The following HOXD1 variants were observed in gnomAD, a reference collection of about 807,000 sequenced individuals.
HOXD1 encodes homeobox D1, also known as homeobox protein Hox-D1.
HOXD1 carries 17 observed loss-of-function variants against 19.9 expected under a neutral mutation model. The ratio of observed to expected loss-of-function variants is 0.85; its 90% CI spans 0.58 to 1.28. The LOEUF is 1.28. Among genes scored for constraint, HOXD1 ranks in the 50% most tolerant of loss-of-function variants. HOXD1 has a pLI of 0.00. For missense variants in HOXD1, 500 were observed against 460.1 expected, an observed-to-expected ratio of 1.09 and a Z score of -0.79; for synonymous variants, 239 against 216.0, an observed-to-expected ratio of 1.11 and a Z score of -0.93.
Position 176,189,383 on chromosome 2 carries a change from CGCCTCCG to C in HOXD1, c.589_595del (p.Gly197LeufsTer10). On this transcript the variant is annotated frameshift_variant, in exon 1 of 2. Transcript: ENST00000331462. LOFTEE classifies it high-confidence loss of function. ...GCACCTACCCCAAGTCCGTCTCTCC[CGCCTCCG>C]GCCTCCCTGCCGCCTTCAGCACGTT... is the stretch of plus-strand genomic sequence containing the variant. 2 of 1,613,210 alleles carry C rather than the reference CGCCTCCG, an allele frequency of 1.2e-6. No individual in the cohort carries two copies. The highest frequency in any genetic ancestry group is 1.7e-6 in the Non-Finnish European group (2 of 1,179,988).
intron 1 of HOXD1, 152 bp downstream of exon 1, chr2:176,189,605 G>C: frequency 6.4e-7 from 1 of 1,565,008 alleles, no homozygotes; most frequent in South Asian, 1.2e-5. Flanking sequence ...CATGGAGTCT[G>C]CCTCGAGTAC....
chr2:176,188,775 C>A lies in HOXD1; in HGVS notation c.-27C>A, dbSNP rs771395034. The A allele has an allele frequency of 6.2e-7, 1 of 1,601,412 alleles. No homozygotes were observed. On this transcript the variant is annotated 5_prime_UTR_variant, in exon 1 of 2. Coordinates refer to ENST00000331462, the MANE Select transcript of HOXD1 (RefSeq NM_024501.3). The stretch of plus-strand genomic sequence containing the variant: ...GGCTCCGTACTCCGGCCCCGGCCTG[C>A]GCCCTCAGAAAGGTGGGGCCCGAAC...
chr2:176,189,517 G>T, intron 1 of HOXD1, 64 bp downstream of exon 1: 1 of 1,611,706 alleles, frequency 6.2e-7, no homozygotes, highest in African/African-American at 1.3e-5. Flanking sequence ...CCGCGGAAAT[G>T]CGCTGGGAGC....
At position 176,190,333 on chromosome 2, in the gene HOXD1, C is replaced by G. The variant is rs1229992534; in HGVS notation, c.*191C>G. On this transcript the variant is annotated 3_prime_UTR_variant, in exon 2 of 2. Coordinates refer to ENST00000331462, the MANE Select transcript of HOXD1 (RefSeq NM_024501.3). ...ATATGTCCAGATATTAATTGACTGT[C>G]TTGTAAGCCACTTGTTTGGTTATGA... is the stretch of plus-strand genomic sequence containing the variant. 1.8e-6 allele frequency: 1 copy of G among 557,556 alleles called. No individual in the cohort carries two copies. Among genetic ancestry groups the G allele is most frequent in the Non-Finnish European group, 3.2e-6 (1 of 316,458 alleles). 34.5% of individuals were successfully genotyped at this position (557,556 alleles called of 1,614,324 possible). A position where few individuals can be genotyped will look rare whatever the true frequency, so the allele number is the denominator to read the frequency against.
At position 176,189,971 on chromosome 2, in the gene HOXD1, A is replaced by C. The variant is rs780602979; in HGVS notation, c.816A>C (p.Gln272His). 1 of 1,614,138 alleles carries C rather than the reference A, an allele frequency of 6.2e-7. No homozygotes were observed. Among genetic ancestry groups the C allele is most frequent in the East Asian group, 2.2e-5 (1 of 44,864 alleles). ...IANCLHLNDT[Q>H]VKIWFQNRRM... ...ACTGCTTGCACCTGAATGACACGCA[A>C]GTCAAAATCTGGTTCCAGAACCGCA... The change falls in exon 2 of 2, where the codon CAA becomes CAC. Residue 272 changes from glutamine (Q) to histidine (H), a missense_variant. Transcript: ENST00000331462.
At position 176,188,852 on chromosome 2, in the gene HOXD1, C is replaced by A. The variant is rs1456371869; in HGVS notation, c.51C>A (p.Gly17=). 8 of 1,604,198 alleles carry A rather than the reference C, an allele frequency of 5.0e-6. No individual in the cohort carries two copies. The highest frequency in any genetic ancestry group is 1.7e-5 in the Admixed American group (1 of 59,500). The change falls in exon 1 of 2, where the codon GGC becomes GGA. Residue 17 remains glycine (G), a synonymous_variant. Coordinates refer to ENST00000331462, the MANE Select transcript of HOXD1 (RefSeq NM_024501.3). ...YVSCSSSGGV[G]GDVLSLAPKF... Reference sequence around the variant, plus strand: ...CATGCAGCAGCAGCGGCGGGGTCGGCGGCGACGTGCTCAGCTTGGCACCCA... The same window carrying A: ...CATGCAGCAGCAGCGGCGGGGTCGGAGGCGACGTGCTCAGCTTGGCACCCA...
Position 176,189,194 on chromosome 2 carries a change from C to A in HOXD1, c.393C>A (p.His131Gln), listed in dbSNP as rs1435122217. ...LGRAADDGGS[H>Q]VHYATSAVFS... ...GGGCGGCCGACGACGGCGGGTCTCA[C>A]GTCCACTACGCCACCTCGGCCGTCT... The change falls in exon 1 of 2, where the codon CAC becomes CAA. Residue 131 changes from histidine to glutamine, a missense_variant. Physicochemically the swap from His to Gln is conservative, Grantham distance 24. Coordinates refer to ENST00000331462, the MANE Select transcript of HOXD1 (RefSeq NM_024501.3). 1 of 1,577,452 alleles carries A rather than the reference C, an allele frequency of 6.3e-7. No homozygotes were observed. Among genetic ancestry groups the A allele is most frequent in the Non-Finnish European group, 8.6e-7 (1 of 1,165,314 alleles).
rs1691745889 is a variant in HOXD1, at chr2:176,189,455, TAA to T, written c.652+3_652+4del. 6.2e-7 allele frequency: 1 copy of T among 1,611,570 alleles called. No individual in the cohort carries two copies. Among genetic ancestry groups the T allele is most frequent in the Non-Finnish European group, 8.5e-7 (1 of 1,179,042 alleles). On this transcript the variant is annotated splice_donor_region_variant and intron_variant, in intron 1 of 1. Transcript: ENST00000331462. The stretch of plus-strand genomic sequence containing the variant: ...TGAAGAGGAATGCCTCTAAGAAAGG[TAA>T]GTCCGCGGGCCTTGGATGGGGCCAC...
Position 176,189,025 on chromosome 2 carries a change from C to T in HOXD1, c.224C>T (p.Pro75Leu). The T allele has an allele frequency of 7.1e-7, 1 of 1,411,838 alleles. No homozygotes were observed. The highest frequency in any genetic ancestry group is 9.1e-7 in the Non-Finnish European group (1 of 1,097,824). The allele number at this position is 1,411,838 out of a possible 1,614,324, so 87.5% of individuals were successfully genotyped here. Residue 75 changes from proline (P) to leucine (L), a missense_variant, in exon 1 of 2, where the codon CCG becomes CTG. Pro to Leu is a moderately conservative substitution (Grantham distance 98). Transcript: ENST00000331462. Reference sequence around the variant, plus strand: ...GCCGCCCCCGCGCGGCCGTCCGTACCGCCTCCGGCCGCGCCCCAGTACGCG... The same window carrying T: ...GCCGCCCCCGCGCGGCCGTCCGTACTGCCTCCGGCCGCGCCCCAGTACGCG... ...PPAAPARPSV[P>L]PPAAPQYAQC... is the part of the protein sequence containing the mutation.
Position 176,188,991 on chromosome 2 carries a change from T to A in HOXD1, c.190T>A (p.Ser64Thr), listed in dbSNP as rs1691728250. Reference sequence around the variant, plus strand: ...CCTGGCCGCCGCCCGACCCTCGCCTTCGCCCCCGGCCGCCCCCGCGCGGCC... The same window carrying A: ...CCTGGCCGCCGCCCGACCCTCGCCTACGCCCCCGGCCGCCCCCGCGCGGCC... ...LPLAAARPSP[S>T]PPAAPARPSV... The change falls in exon 1 of 2, where the codon TCG (serine) becomes ACG (threonine). Residue 64 changes from serine (S) to threonine (T), a missense_variant. Physicochemically the swap from Ser to Thr is moderately conservative, Grantham distance 58 (BLOSUM62 1). Transcript: ENST00000331462. 2.8e-6 allele frequency: 4 copies of A among 1,449,976 alleles called. No individual in the cohort carries two copies. The highest frequency in any genetic ancestry group is 5.8e-5 in the East Asian group (2 of 34,254). 89.8% of individuals were successfully genotyped at this position (1,449,976 alleles called of 1,614,324 possible). A position where few individuals can be genotyped will look rare whatever the true frequency, so the allele number is the denominator to read the frequency against.
Position 176,188,900 on chromosome 2 carries a change from G to T in HOXD1, c.99G>T (p.Arg33=). The T allele has an allele frequency of 6.3e-7, 1 of 1,591,708 alleles. No homozygotes were observed. The highest frequency in any genetic ancestry group is 8.5e-7 in the Non-Finnish European group (1 of 1,174,022). The part of the protein sequence containing the change: ...LAPKFCRSDA[R]PVALQPAFPL... Reference sequence around the variant, plus strand: ...CCAAGTTCTGCCGCTCCGACGCCCGGCCCGTGGCTCTGCAGCCCGCCTTCC... The same window carrying T: ...CCAAGTTCTGCCGCTCCGACGCCCGTCCCGTGGCTCTGCAGCCCGCCTTCC... Residue 33 remains arginine, a synonymous_variant, in exon 1 of 2, where the codon CGG becomes CGT. Coordinates refer to ENST00000331462, the MANE Select transcript of HOXD1 (RefSeq NM_024501.3).
chr2:176,189,528 G>A lies in HOXD1; in HGVS notation c.652+75G>A, dbSNP rs777570887. 17 of 1,609,952 alleles carry A rather than the reference G, an allele frequency of 1.1e-5. No individual in the cohort carries two copies. The South Asian group carries it at 1.3e-4, about 13-fold the overall frequency. On this transcript the variant is annotated intron_variant, in intron 1 of 1. Coordinates refer to ENST00000331462, the MANE Select transcript of HOXD1 (RefSeq NM_024501.3). ...TCCCCCGCGGAAATGCGCTGGGAGC[G>A]TGGTGTCGCTGCCTTTCCAGACAGC...
chr2:176,189,045 T>A lies in HOXD1; in HGVS notation c.244T>A (p.Tyr82Asn), dbSNP rs1341071924. 4.2e-6 allele frequency: 6 copies of A among 1,428,628 alleles called. No homozygotes were observed. Among genetic ancestry groups the A allele is most frequent in the Non-Finnish European group, 5.4e-6 (6 of 1,106,580 alleles). 88.5% of individuals were successfully genotyped at this position (1,428,628 alleles called of 1,614,324 possible). Residue 82 changes from tyrosine (Y) to asparagine (N), a missense_variant, in exon 1 of 2, where the codon TAC becomes AAC. Tyr to Asn is a moderately radical substitution (Grantham distance 143). Transcript: ENST00000331462. ...CGTACCGCCTCCGGCCGCGCCCCAG[T>A]ACGCGCAGTGCACCCTGGAGGGGGC... ...PSVPPPAAPQ[Y>N]AQCTLEGAYE...
Position 176,190,114 on chromosome 2 carries a change from G to A in HOXD1, c.959G>A (p.Ser320Asn). The A allele has an allele frequency of 6.2e-7, 1 of 1,612,000 alleles. No homozygotes were observed. ...ACTAAGTTTATCAAGAACCCCGGCA[G>A]CCCTTCTCAGTCCCAAGAGCCTTCG... ...TPTKFIKNPGSPSQSQEPS is the reference protein window; with the variant it reads ...TPTKFIKNPGNPSQSQEPS The change falls in exon 2 of 2, where the codon AGC becomes AAC. Residue 320 changes from serine (S) to asparagine (N), a missense_variant. By Grantham distance (46) the Ser-to-Asn change is conservative. Transcript: ENST00000331462.
chr2:176,190,258 G>A lies in HOXD1; in HGVS notation c.*116G>A, dbSNP rs1208844467. On this transcript the variant is annotated 3_prime_UTR_variant, in exon 2 of 2. Coordinates refer to ENST00000331462, the MANE Select transcript of HOXD1 (RefSeq NM_024501.3). ...AGGTGGGAGAACAAAAATGAATAGG[G>A]ATTTCACTTGGGAAATGAAGTACTT... 4.4e-6 allele frequency: 3 copies of A among 674,990 alleles called. No individual in the cohort carries two copies. Among genetic ancestry groups the A allele is most frequent in the African/African-American group, 1.8e-5 (1 of 54,844 alleles). 41.8% of individuals were successfully genotyped at this position (674,990 alleles called of 1,614,324 possible).
rs763752757 is a variant in HOXD1 at position 176,189,141 on chromosome 2, G to C, written c.340G>C (p.Ala114Pro). The C allele has an allele frequency of 3.8e-6, 6 of 1,582,772 alleles. No individual in the cohort carries two copies. Among genetic ancestry groups the C allele is most frequent in the African/African-American group, 1.3e-5 (1 of 74,402 alleles). The change falls in exon 1 of 2, where the codon GCG (alanine) becomes CCG (proline). Residue 114 changes from alanine to proline, a missense_variant. Physicochemically the swap from Ala to Pro is conservative, Grantham distance 27 (BLOSUM62 -1). Coordinates refer to ENST00000331462, the MANE Select transcript of HOXD1 (RefSeq NM_024501.3). Reference protein sequence around the residue: ...ADYGFLGSGPAYDFPGVLGRA... With the variant: ...ADYGFLGSGPPYDFPGVLGRA... ...CTACGGCTTCCTGGGGTCCGGGCCG[G>C]CGTACGACTTCCCGGGCGTGCTGGG...
chr2:176,189,243 C>T lies in HOXD1; in HGVS notation c.442C>T (p.Leu148Phe), dbSNP rs541833039. Residue 148 changes from leucine (L) to phenylalanine (F), a missense_variant, in exon 1 of 2, where the codon CTC becomes TTC. By Grantham distance (22) the Leu-to-Phe change is conservative. Transcript: ENST00000331462. Reference sequence around the variant, plus strand: ...CTTCTCGGGCGGCGGCTCTTTCCTCCTCAGCGGCCAGGTGGATTACGCGGC... The same window carrying T: ...CTTCTCGGGCGGCGGCTCTTTCCTCTTCAGCGGCCAGGTGGATTACGCGGC... ...AVFSGGGSFLLSGQVDYAAFG... is the reference protein window; with the variant it reads ...AVFSGGGSFLFSGQVDYAAFG... The T allele has an allele frequency of 7.7e-5, 123 of 1,596,712 alleles. No homozygotes were observed. In the East Asian group the frequency reaches 1.1e-3, roughly 15 times the overall value.
At position 176,189,830 on chromosome 2, in the gene HOXD1, C is replaced by A. The variant is rs1691756282; in HGVS notation, c.675C>A (p.Ala225=). 2 of 1,614,060 alleles carry A rather than the reference C, an allele frequency of 1.2e-6. No individual in the cohort carries two copies. The highest frequency in any genetic ancestry group is 1.7e-6 in the Non-Finnish European group (2 of 1,179,950). ...SKKGKLAEYG[A]ASPSSAIRTN... The stretch of plus-strand genomic sequence containing the variant: ...CAGGCAAACTCGCCGAGTATGGGGC[C>A]GCTAGCCCCTCCAGCGCGATCCGCA... The change falls in exon 2 of 2, where the codon GCC becomes GCA. Residue 225 remains alanine, a synonymous_variant. Transcript: ENST00000331462.
chr2:176,189,108 G>A lies in HOXD1; in HGVS notation c.307G>A (p.Gly103Ser). The A allele has an allele frequency of 6.5e-7, 1 of 1,536,230 alleles. No individual in the cohort carries two copies. The change falls in exon 1 of 2, where the codon GGC (glycine) becomes AGC (serine). Residue 103 changes from glycine to serine, a missense_variant. Gly to Ser is a moderately conservative substitution (Grantham distance 56). Coordinates refer to ENST00000331462, the MANE Select transcript of HOXD1 (RefSeq NM_024501.3). ...TGCCGCACCTGCCGCGGCAGCTGGG[G>A]GCGCGGACTACGGCTTCCTGGGGTC... ...PGAAPAAAAGGADYGFLGSGP... is the reference protein window; with the variant it reads ...PGAAPAAAAGSADYGFLGSGP...
Sources: gnomAD v4.1 joint callset for allele counts on GRCh38, gnomAD v4.1.1 for gene constraint, MANE v1.5 for transcripts, NCBI Gene and HGNC (gene_info 2026-07-23, HGNC 2026-07-21) for gene names.